SHTN1: variants seen among roughly 807,000 people sequenced by gnomAD.
SHTN1 encodes shootin 1.
A neutral mutation model predicts 83.1 loss-of-function variants in SHTN1; 42 were observed. The observed-to-expected ratio is 0.51, with a 90% CI of 0.39 to 0.65. SHTN1 has a LOEUF of 0.65. Among genes scored for constraint, SHTN1 ranks in the 30% least tolerant of loss-of-function variants. SHTN1 has a pLI of 0.00. For missense variants in SHTN1, 622 were observed against 737.8 expected (o/e 0.84, Z 1.82); for synonymous variants, 224 against 247.7 (o/e 0.90, Z 0.90).
intron 12 of SHTN1, among the ~76,000 whole-genome samples, chr10:116,920,878 C>T (rs993390417): frequency 6.6e-6 from 1 of 152,178 alleles, no homozygotes; most frequent in Non-Finnish European, 1.5e-5. Flanking sequence ...CCCAACCCAC[C>T]CAATGTTCTA....
intron 16 of SHTN1, 115 bp downstream of exon 16, chr10:116,901,650 G>A: frequency 7.4e-7 from 1 of 1,357,216 alleles, no homozygotes. Context: ...AAGAAGAAGA[G>A]AATTTACCGG....
At chr10:117,006,762 T>C (rs1055385135), upstream of SHTN1, among the ~76,000 whole-genome samples, 28 of 152,092 alleles carry the variant, frequency 1.8e-4, no homozygotes, top group African/African-American at 6.8e-4. Flanking sequence ...AGCACAGTGC[T>C]GCTCATTCCT....
intron 4 of SHTN1, among the ~76,000 whole-genome samples, chr10:116,956,105 A>C (rs1849969911): frequency 6.6e-6 from 1 of 152,222 alleles, no homozygotes; most frequent in Non-Finnish European, 1.5e-5. Context: ...TTTAAGACTT[A>C]ATTTCTGGTT....
chr10:116,998,992 C>CA (rs1851732171), intron 1 of SHTN1, among the ~76,000 whole-genome samples: 1 of 152,190 alleles, frequency 6.6e-6, no homozygotes, highest in East Asian at 1.9e-4. Flanking sequence ...AATCCAGTGC[C>CA]AAAAGCATTT....
intron 6 of SHTN1, among the ~76,000 whole-genome samples, chr10:116,950,012 C>A (rs548036398): frequency 6.6e-6 from 1 of 152,100 alleles, no homozygotes; most frequent in African/African-American, 2.4e-5. Context: ...AATATATGCA[C>A]TGACATGATA....
At chr10:116,924,310 T>C (rs1748741520) in intron 11 of SHTN1, among the ~76,000 whole-genome samples, 1 of 151,322 alleles carries the variant, frequency 6.6e-6, no homozygotes, top group Non-Finnish European at 1.5e-5. Flanking sequence ...CACTCTGCAC[T>C]GACCTCGCCT....
intron 2 of SHTN1, among the ~76,000 whole-genome samples, chr10:117,039,809 C>T (rs1265284582): frequency 2.0e-5 from 3 of 149,152 alleles, no homozygotes; most frequent in Non-Finnish European, 4.4e-5. Context: ...GCCAAGATTG[C>T]GCCCCTGCAC....
At chr10:116,914,644 C>T (rs1425795566) in intron 13 of SHTN1, among the ~76,000 whole-genome samples, 3 of 151,892 alleles carry the variant, frequency 2.0e-5, no homozygotes, top group Admixed American at 6.6e-5. Context: ...GAGGAAGAAC[C>T]GGTCAGTTCA....
At chr10:117,012,812 C>T (rs1341399581) in intron 2 of SHTN1, among the ~76,000 whole-genome samples, 1 of 152,136 alleles carries the variant, frequency 6.6e-6, no homozygotes, top group Non-Finnish European at 1.5e-5. Context: ...AAAATATTTA[C>T]AAATTACATA....
At chr10:117,118,541 C>T (rs982133618) in intron 1 of SHTN1, among the ~76,000 whole-genome samples, 1 of 152,172 alleles carries the variant, frequency 6.6e-6, no homozygotes, top group African/African-American at 2.4e-5. Context: ...AGCCATTCCA[C>T]TCCTGGTTAT....
intron 2 of SHTN1, among the ~76,000 whole-genome samples, chr10:116,970,444 G>A (rs920843032): frequency 2.2e-4 from 34 of 152,276 alleles, no homozygotes; most frequent in Admixed American, 1.8e-3. Context: ...GGCCGGGCAC[G>A]GTGGCTCAAG....
At chr10:116,931,634 T>G (rs1283109847) in intron 9 of SHTN1, among the ~76,000 whole-genome samples, 1 of 152,204 alleles carries the variant, frequency 6.6e-6, no homozygotes, top group Non-Finnish European at 1.5e-5. Flanking sequence ...AGCATGTTTA[T>G]TCAATGAAAT....
intron 2 of SHTN1, among the ~76,000 whole-genome samples, chr10:117,044,789 C>CT (rs1852637114): frequency 6.6e-6 from 1 of 152,040 alleles, no homozygotes; most frequent in South Asian, 2.1e-4. Flanking sequence ...ATGGTAATGC[C>CT]TAACAATGAG....
chr10:117,017,773 C>T (rs562408538), intron 2 of SHTN1, among the ~76,000 whole-genome samples: 3 of 152,146 alleles, frequency 2.0e-5, no homozygotes, highest in South Asian at 4.1e-4. Flanking sequence ...CTTACAGTGG[C>T]GAATCCTAGC....
intron 1 of SHTN1, among the ~76,000 whole-genome samples, chr10:117,116,434 T>C (rs1039481417): frequency 2.6e-5 from 4 of 152,104 alleles, no homozygotes; most frequent in East Asian, 1.9e-4. Context: ...AAGTCTCCCA[T>C]CAAAGAAAAG....
intron 1 of SHTN1, among the ~76,000 whole-genome samples, chr10:117,101,133 A>AG (rs1853585978): frequency 6.6e-6 from 1 of 152,206 alleles, no homozygotes; most frequent in African/African-American, 2.4e-5. Flanking sequence ...GAGTTGAAAT[A>AG]GGGAAGTTCC....
intron 9 of SHTN1, among the ~76,000 whole-genome samples, 165 bp downstream of exon 9, chr10:116,940,301 T>C (rs1383008950): frequency 1.3e-5 from 2 of 152,212 alleles, no homozygotes; most frequent in South Asian, 2.1e-4. Context: ...ATTAAGTTCA[T>C]TTAGTTATTT....
At chr10:117,067,591 T>A (rs1462066756) in intron 1 of SHTN1, among the ~76,000 whole-genome samples, 1 of 151,690 alleles carries the variant, frequency 6.6e-6, no homozygotes, top group Non-Finnish European at 1.5e-5. Flanking sequence ...CAAAACTCCA[T>A]CTAAAAAAAA....
At chr10:117,071,672 T>G (rs978945173) in intron 1 of SHTN1, among the ~76,000 whole-genome samples, 1 of 152,104 alleles carries the variant, frequency 6.6e-6, no homozygotes, top group African/African-American at 2.4e-5. Flanking sequence ...AATCACATAA[T>G]TTAGTCAGCC....
Sources: allele counts gnomAD v4.1 joint callset (sites outside exome capture counted in the v4.1 genomes callset), GRCh38; gene constraint gnomAD v4.1.1; transcripts MANE v1.5; gene names NCBI Gene and HGNC (gene_info 2026-07-23, HGNC 2026-07-21).